The following OPRM1 variants were observed in gnomAD, a reference collection of about 807,000 sequenced individuals.
OPRM1 encodes the protein mu-type opioid receptor.
A neutral mutation model predicts 31.8 loss-of-function variants in OPRM1; 27 were observed. That is an observed-to-expected ratio of 0.85 (90% CI 0.63 to 1.17). OPRM1 has a LOEUF of 1.17. OPRM1 is among the 50% of genes most tolerant of loss of function. OPRM1 has a pLI of 0.00. For synonymous variants in OPRM1, 196 were observed against 189.9 expected (o/e 1.03, Z -0.26); for missense variants, 536 against 511.1 (o/e 1.05, Z -0.47).
chr6:154,190,535 C>G (rs1423674182), intron 3 of OPRM1, among the ~76,000 whole-genome samples: 1 of 152,174 alleles, frequency 6.6e-6, no homozygotes, highest in East Asian at 1.9e-4. Flanking sequence ...TGTGAAGCAA[C>G]AGGAACTCTC....
intron 3 of OPRM1, among the ~76,000 whole-genome samples, chr6:154,111,903 C>T (rs1796401230): frequency 6.6e-6 from 1 of 151,942 alleles, no homozygotes; most frequent in Admixed American, 6.6e-5. Flanking sequence ...GTAGCTGGGA[C>T]TACAGGCACC....
At chr6:154,049,885 A>G (rs1781864168) in intron 1 of OPRM1, among the ~76,000 whole-genome samples, 1 of 152,166 alleles carries the variant, frequency 6.6e-6, no homozygotes, top group South Asian at 2.1e-4. Flanking sequence ...GATTTTTCTA[A>G]TGTGTTATTG....
chr6:154,113,091 C>G (rs531376943), intron 3 of OPRM1, among the ~76,000 whole-genome samples: 1 of 152,334 alleles, frequency 6.6e-6, no homozygotes, highest in Non-Finnish European at 1.5e-5. Flanking sequence ...AATTCTCCTC[C>G]ATTCAGCCAG....
upstream of OPRM1, chr6:154,039,056 G>T (rs929585072): frequency 5.2e-6 from 7 of 1,334,980 alleles, no homozygotes; most frequent in Admixed American, 1.9e-4. Flanking sequence ...GGAGAAAAAG[G>T]CGCTGGAAAA....
chr6:154,174,324 A>T (rs1435235017), intron 3 of OPRM1, among the ~76,000 whole-genome samples: 1 of 152,224 alleles, frequency 6.6e-6, no homozygotes, highest in African/African-American at 2.4e-5. Context: ...ACATAACAAT[A>T]TTAACCTTAA....
chr6:154,033,200 G>T (rs1779106360), intron 1 of OPRM1, among the ~76,000 whole-genome samples: 1 of 152,108 alleles, frequency 6.6e-6, no homozygotes, highest in African/African-American at 2.4e-5. Context: ...AAGAGATGCT[G>T]TAAAATAAAG....
intron 3 of OPRM1, among the ~76,000 whole-genome samples, chr6:154,231,271 T>C (rs1350685966): frequency 6.6e-6 from 1 of 152,200 alleles, no homozygotes; most frequent in Non-Finnish European, 1.5e-5. Flanking sequence ...AAAGTTCTAG[T>C]TCTATGGAGA....
intron 3 of OPRM1, among the ~76,000 whole-genome samples, chr6:154,138,722 A>G (rs541938431): frequency 1.3e-5 from 2 of 152,386 alleles, no homozygotes; most frequent in African/African-American, 4.8e-5. Context: ...AACAAAGATG[A>G]TAACAGACCT....
rs613355 is a variant in OPRM1 at position 154,128,715 on chromosome 6, C to A, written c.*9994C>A. On this transcript the variant is annotated 3_prime_UTR_variant, in exon 4 of 4. Coordinates refer to ENST00000330432, the MANE Select transcript of OPRM1 (RefSeq NM_000914.5). ...CCCAGAGACAGCTGGAGACTGAGCA[C>A]ATAAAGACATCATTGAGGAAAAAGG... 0.67 allele frequency among the ~76,000 whole-genome samples: 101,214 copies of A among 152,040 alleles called. 34,024 individuals are homozygous for A. The highest frequency in any genetic ancestry group is 0.9 in the East Asian group (4,666 of 5,176).
intron 3 of OPRM1, among the ~76,000 whole-genome samples, chr6:154,166,989 C>A (rs948011030): frequency 6.6e-6 from 1 of 151,982 alleles, no homozygotes; most frequent in South Asian, 2.1e-4. Flanking sequence ...ATTTTTGTAG[C>A]CTTTTAGGGT....
At chr6:154,184,499 A>T (rs542125835) in intron 3 of OPRM1, among the ~76,000 whole-genome samples, 2 of 152,214 alleles carry the variant, frequency 1.3e-5, no homozygotes, top group South Asian at 4.1e-4. Context: ...CATTTTTTTT[A>T]AAAGACCAAT....
chr6:154,056,382 A>T (rs1048456680), intron 1 of OPRM1, among the ~76,000 whole-genome samples: 3 of 151,824 alleles, frequency 2.0e-5, no homozygotes, highest in Admixed American at 6.6e-5. Context: ...TCAGCCTCCC[A>T]AAGTGCTGGG....
chr6:154,137,919 G>C (rs1798100225), intron 3 of OPRM1, among the ~76,000 whole-genome samples: 1 of 152,184 alleles, frequency 6.6e-6, no homozygotes, highest in Non-Finnish European at 1.5e-5. Context: ...TTCTGTTAAA[G>C]AGCCCTCACG....
chr6:154,132,651 T>C (rs553072271), downstream of OPRM1, among the ~76,000 whole-genome samples: 5 of 152,280 alleles, frequency 3.3e-5, no homozygotes, highest in South Asian at 1.0e-3. Flanking sequence ...GTTGAAAATA[T>C]AGGCAGCTAA....
At chr6:154,206,785 A>G (rs1343107791) in intron 3 of OPRM1, among the ~76,000 whole-genome samples, 1 of 152,190 alleles carries the variant, frequency 6.6e-6, no homozygotes, top group Non-Finnish European at 1.5e-5. Context: ...TGGTCCTGCA[A>G]GTGGAGAAAC....
chr6:154,149,754 T>C (rs565629819), intron 3 of OPRM1, among the ~76,000 whole-genome samples: 1 of 152,198 alleles, frequency 6.6e-6, no homozygotes, highest in African/African-American at 2.4e-5. Context: ...TGGTCCCATA[T>C]GGTCAAGGCC....
Position 154,131,932 on chromosome 6 carries a change from T to C in OPRM1, c.*13211T>C, listed in dbSNP as rs1701675653. On this transcript the variant is annotated 3_prime_UTR_variant, in exon 4 of 4. Transcript: ENST00000330432. ...TTTTGATGGTCTGGGAGTTTTTCTATAAGTTTTTGGTTTTTTTTTTTTTTT... is the reference window on the plus strand; with the variant it reads ...TTTTGATGGTCTGGGAGTTTTTCTACAAGTTTTTGGTTTTTTTTTTTTTTT... Among the ~76,000 whole-genome samples, 1 of 136,478 alleles carries C rather than the reference T, an allele frequency of 7.3e-6. No individual in the cohort carries two copies. The highest frequency in any genetic ancestry group is 7.7e-5 in the Admixed American group (1 of 13,018). The allele number at this position is 136,478 out of a possible 152,430, so 89.5% of individuals were successfully genotyped here.
chr6:154,172,670 C>T (rs940081267), intron 3 of OPRM1, among the ~76,000 whole-genome samples: 7 of 152,212 alleles, frequency 4.6e-5, no homozygotes, highest in South Asian at 2.1e-4. Context: ...TCGAACTGGG[C>T]GGAGCCCACT....
chr6:154,093,377 C>G, intron 3 of OPRM1: 1 of 1,614,166 alleles, frequency 6.2e-7, no homozygotes, highest in Non-Finnish European at 8.5e-7. Flanking sequence ...TCCCAGCTAT[C>G]CTTCACTCGT....
Sources: gnomAD v4.1 joint callset for allele counts (sites outside exome capture counted in the v4.1 genomes callset) on GRCh38, gnomAD v4.1.1 for gene constraint, MANE v1.5 for transcripts, NCBI Gene and HGNC (gene_info 2026-07-23, HGNC 2026-07-21) for gene names.